The following PAPPA2 variants were observed in gnomAD, a reference collection of about 807,000 sequenced individuals.
PAPPA2 encodes the protein pappalysin 2, also known as pappalysin-2.
In PAPPA2, 86 loss-of-function variants were observed where a neutral mutation model predicts 176.4. The ratio of observed to expected loss-of-function variants is 0.49; its 90% CI spans 0.41 to 0.58. The LOEUF is 0.58. Ranked by LOEUF, PAPPA2 falls within the 20% of genes least tolerant of loss-of-function variation. The pLI is 0.00. For missense variants in PAPPA2, 2,073 were observed against 2,256.9 expected, an observed-to-expected ratio of 0.92 and a Z score of 1.65; for synonymous variants, 809 against 852.2, an observed-to-expected ratio of 0.95 and a Z score of 0.88.
intron 3 of PAPPA2, among the ~76,000 whole-genome samples, chr1:176,665,622 G>T (rs1359156146): frequency 1.3e-5 from 2 of 152,092 alleles, no homozygotes; most frequent in Non-Finnish European, 2.9e-5. Context: ...TTCCTAAAAA[G>T]CTCAAAATCC....
intron 8 of PAPPA2, among the ~76,000 whole-genome samples, chr1:176,700,425 A>T (rs1240357347): frequency 5.9e-5 from 9 of 152,368 alleles, no homozygotes; most frequent in Admixed American, 5.9e-4. Flanking sequence ...TAGTGGGTTA[A>T]AACAACAAAC....
intron 1 of PAPPA2, among the ~76,000 whole-genome samples, chr1:176,470,489 G>T (rs923945713): frequency 1.3e-5 from 2 of 152,108 alleles, no homozygotes. Context: ...CAGATCAGAA[G>T]GACATGTTCT....
At chr1:176,705,700 G>C (rs1035895217) in intron 9 of PAPPA2, among the ~76,000 whole-genome samples, 1 of 152,128 alleles carries the variant, frequency 6.6e-6, no homozygotes, top group Non-Finnish European at 1.5e-5. Flanking sequence ...TAGCATTTGA[G>C]GTTGGAAACA....
chr1:176,741,936 CAT>C (rs1468792211), intron 14 of PAPPA2, among the ~76,000 whole-genome samples: 3 of 152,162 alleles, frequency 2.0e-5, no homozygotes, highest in African/African-American at 7.2e-5. Flanking sequence ...GTCCCTGAAA[CAT>C]GTGTTCTTGG....
chr1:176,810,733 C>T (rs978611603), intron 21 of PAPPA2, among the ~76,000 whole-genome samples: 14 of 152,212 alleles, frequency 9.2e-5, no homozygotes, highest in African/African-American at 3.1e-4. Context: ...TTAGGCCCCA[C>T]TCTGGACTTC....
intron 2 of PAPPA2, among the ~76,000 whole-genome samples, chr1:176,586,943 C>T (rs1350181244): frequency 3.3e-5 from 5 of 152,296 alleles, no homozygotes; most frequent in South Asian, 2.1e-4. Flanking sequence ...TCCACATCCT[C>T]GCCAGCATGT....
At chr1:176,513,947 G>A (rs1648759820) in intron 1 of PAPPA2, among the ~76,000 whole-genome samples, 1 of 152,070 alleles carries the variant, frequency 6.6e-6, no homozygotes, top group African/African-American at 2.4e-5. Context: ...CCATCCACAT[G>A]CACCACAAAG....
chr1:176,816,158 A>G (rs1381753322), intron 21 of PAPPA2, among the ~76,000 whole-genome samples: 32 of 67,766 alleles, frequency 4.7e-4, no homozygotes, highest in African/African-American at 1.9e-3. Context: ...CAGTGTATAT[A>G]TATATATATA....
intron 17 of PAPPA2, among the ~76,000 whole-genome samples, chr1:176,785,618 T>C (rs1664901400): frequency 6.6e-6 from 1 of 152,100 alleles, no homozygotes; most frequent in Admixed American, 6.5e-5. Context: ...CCAGTCTGGG[T>C]CCGGTGTAAC....
At chr1:176,596,607 T>C (rs941291082) in intron 3 of PAPPA2, among the ~76,000 whole-genome samples, 4 of 152,234 alleles carry the variant, frequency 2.6e-5, no homozygotes, top group Non-Finnish European at 5.9e-5. Flanking sequence ...TCTTTCACGT[T>C]CATGTGTTTG....
At chr1:176,713,148 A>G (rs1327622728) in intron 12 of PAPPA2, among the ~76,000 whole-genome samples, 1 of 151,878 alleles carries the variant, frequency 6.6e-6, no homozygotes. Flanking sequence ...TCTTTAGACG[A>G]ATTCAAGTTC....
intron 17 of PAPPA2, among the ~76,000 whole-genome samples, chr1:176,782,152 A>G (rs543416584): frequency 6.6e-6 from 1 of 152,352 alleles, no homozygotes; most frequent in South Asian, 2.1e-4. Flanking sequence ...ATCATAGTGC[A>G]CATCCCTGCT....
At position 176,594,970 on chromosome 1, in the gene PAPPA2, C is replaced by T; in HGVS notation, c.1366C>T (p.Leu456=). 6.2e-7 allele frequency: 1 copy of T among 1,614,192 alleles called. No individual in the cohort carries two copies. Among genetic ancestry groups the T allele is most frequent in the Non-Finnish European group, 8.5e-7 (1 of 1,180,040 alleles). The part of the protein sequence containing the change: ...SGEEEATDLV[L]TASFEPVNTE... ...GGAGGAGGAAGCGACTGACTTGGTC[C>T]TGACAGCGAGCTTTGAGCCTGTGAA... Residue 456 remains leucine, a synonymous_variant, in exon 3 of 23, where the codon CTG becomes TTG. Transcript: ENST00000367662.
At chr1:176,833,756 T>C (rs762286187) in intron 21 of PAPPA2, among the ~76,000 whole-genome samples, 5 of 152,160 alleles carry the variant, frequency 3.3e-5, no homozygotes, top group Non-Finnish European at 7.4e-5. Context: ...ATGTGTACCA[T>C]GTTCTTCACT....
chr1:176,718,078 T>C (rs555557286), intron 12 of PAPPA2, among the ~76,000 whole-genome samples: 1 of 152,280 alleles, frequency 6.6e-6, no homozygotes, highest in East Asian at 1.9e-4. Flanking sequence ...GGTGTTTTCT[T>C]TGAGGAAAAA....
At chr1:176,467,282 G>A (rs1651669390) in intron 1 of PAPPA2, among the ~76,000 whole-genome samples, 1 of 152,198 alleles carries the variant, frequency 6.6e-6, no homozygotes, top group Admixed American at 6.5e-5. Context: ...GCAGTCCGTT[G>A]TTGACAGAAA....
chr1:176,605,976 T>C (rs1654588819), intron 3 of PAPPA2, among the ~76,000 whole-genome samples: 1 of 152,166 alleles, frequency 6.6e-6, no homozygotes, highest in African/African-American at 2.4e-5. Flanking sequence ...AATTTTACTC[T>C]TGGAATTGCA....
chr1:176,801,081 G>A (rs1173699964), intron 21 of PAPPA2, among the ~76,000 whole-genome samples: 1 of 147,874 alleles, frequency 6.8e-6, no homozygotes, highest in Non-Finnish European at 1.5e-5. Context: ...CATAGGGGAA[G>A]GAGATGCTTA....
chr1:176,463,764 C>T (rs1055617130), intron 1 of PAPPA2, among the ~76,000 whole-genome samples: 2 of 152,184 alleles, frequency 1.3e-5, no homozygotes, highest in African/African-American at 4.8e-5. Context: ...TCCTGGGCCT[C>T]ATCCAGGCCT....
Sources: allele counts gnomAD v4.1 joint callset (sites outside exome capture counted in the v4.1 genomes callset), GRCh38; gene constraint gnomAD v4.1.1; transcripts MANE v1.5; gene names NCBI Gene and HGNC (gene_info 2026-07-23, HGNC 2026-07-21).